Variants in COPS4 observed in about 807,000 individuals in gnomAD.
COPS4 encodes COP9 signalosome complex subunit 4.
In COPS4, 8 loss-of-function variants were observed where a neutral mutation model predicts 55.1. The observed-to-expected ratio is 0.15, with a 90% CI of 0.09 to 0.26. The LOEUF (loss-of-function observed/expected upper bound fraction) is 0.26, where lower values mean the gene tolerates loss of function less well. Among genes scored for constraint, COPS4 ranks in the 10% least tolerant of loss-of-function variants. The pLI, the probability that COPS4 is intolerant of heterozygous loss-of-function variation, is 1.00. For synonymous variants in COPS4, 185 were observed against 165.7 expected, an observed-to-expected ratio of 1.12 and a Z score of -0.90; for missense variants, 248 against 484.0, an observed-to-expected ratio of 0.51 and a Z score of 4.58.
intron 6 of COPS4, among the ~76,000 whole-genome samples, chr4:83,062,547 T>C (rs4591594): frequency 0.45 from 67,059 of 147,780 alleles, 17,251 homozygotes; most frequent in Admixed American, 0.6. Context: ...TTTACTTTTA[T>C]ACTGTACACA....
At chr4:83,058,325 C>T (rs1191078980) in intron 6 of COPS4, among the ~76,000 whole-genome samples, 1 of 152,162 alleles carries the variant, frequency 6.6e-6, no homozygotes, top group Non-Finnish European at 1.5e-5. Flanking sequence ...TCAAGTGATC[C>T]TCCCACTTCA....
chr4:83,038,148 C>G (rs1175831423), intron 1 of COPS4, among the ~76,000 whole-genome samples: 5 of 152,246 alleles, frequency 3.3e-5, no homozygotes, highest in Non-Finnish European at 5.9e-5. Flanking sequence ...TCAAAGGCCC[C>G]TTCTAACTCA....
chr4:83,053,932 T>C (rs923901888), intron 4 of COPS4, among the ~76,000 whole-genome samples: 1 of 152,144 alleles, frequency 6.6e-6, no homozygotes, highest in African/African-American at 2.4e-5. Context: ...TTATGAAACA[T>C]TTCTCCTAAG....
At chr4:83,054,580 A>T (rs1730969496) in intron 4 of COPS4, among the ~76,000 whole-genome samples, 2 of 152,200 alleles carry the variant, frequency 1.3e-5, no homozygotes, top group African/African-American at 4.8e-5. Context: ...TGAATTTTGC[A>T]TTTCAAGGTC....
At chr4:83,055,959 C>T (rs1361963090) in intron 4 of COPS4, among the ~76,000 whole-genome samples, 3 of 138,092 alleles carry the variant, frequency 2.2e-5, no homozygotes, top group African/African-American at 8.2e-5. Flanking sequence ...GACGAAGTCT[C>T]ACTCTGTCAC....
chr4:83,063,920 G>A (rs1022788695), intron 7 of COPS4, among the ~76,000 whole-genome samples: 2 of 152,010 alleles, frequency 1.3e-5, no homozygotes, highest in African/African-American at 2.4e-5. Flanking sequence ...GGCTGATCTC[G>A]GACTCCTGAC....
At chr4:83,051,837 G>A (rs1730895417) in intron 4 of COPS4, among the ~76,000 whole-genome samples, 1 of 152,142 alleles carries the variant, frequency 6.6e-6, no homozygotes, top group Non-Finnish European at 1.5e-5. Flanking sequence ...AGTGAGGCCT[G>A]GAGCACTTCA....
chr4:83,041,359 G>A (rs1386284172), intron 1 of COPS4, among the ~76,000 whole-genome samples: 2 of 151,828 alleles, frequency 1.3e-5, no homozygotes, highest in East Asian at 1.9e-4. Flanking sequence ...CACTGCGCCC[G>A]GCCAAATTTT....
chr4:83,035,415 A>AG (rs1209604906), intron 1 of COPS4, 117 bp downstream of exon 1: 4 of 848,202 alleles, frequency 4.7e-6, no homozygotes, highest in Non-Finnish European at 1.8e-6. Flanking sequence ...CTGACGTCCA[A>AG]GGGGGCGGGC....
chr4:83,073,821 G>A (rs778225861), intron 9 of COPS4, among the ~76,000 whole-genome samples: 1 of 152,160 alleles, frequency 6.6e-6, no homozygotes, highest in Non-Finnish European at 1.5e-5. Flanking sequence ...GCTGGGCGTA[G>A]TGGTGCATGC....
chr4:83,060,380 C>A (rs1442455597), intron 6 of COPS4, among the ~76,000 whole-genome samples: 5 of 130,768 alleles, frequency 3.8e-5, no homozygotes, highest in Non-Finnish European at 8.2e-5. Flanking sequence ...ACGGAATCTT[C>A]CTCTGTCGCC....
intron 3 of COPS4, chr4:83,049,541 C>A (rs565175316): frequency 5.2e-5 from 26 of 503,382 alleles, no homozygotes; most frequent in Admixed American, 1.2e-4. Context: ...TCAAATATTG[C>A]TCTCTAGACA....
Position 83,050,847 on chromosome 4 carries a change from A to G in COPS4, c.410+863A>G, listed in dbSNP as rs149893049. Among the ~76,000 whole-genome samples, 558 of 152,284 alleles carry G rather than the reference A, an allele frequency of 3.7e-3. 1 individual carries two copies. The highest frequency in any genetic ancestry group is 0.013 in the African/African-American group (529 of 41,558). On this transcript the variant is annotated intron_variant, in intron 4 of 9. Transcript: ENST00000264389. ...TCACTAAGTGAAATGAGGGGGAGCC[A>G]TTGGAGAATTGTGAACAAACAGTGA...
intron 1 of COPS4, among the ~76,000 whole-genome samples, chr4:83,040,946 C>T (rs1031705150): frequency 6.6e-6 from 1 of 151,640 alleles, no homozygotes; most frequent in African/African-American, 2.4e-5. Context: ...AATCAACATA[C>T]TGAATTTGGT....
chr4:83,068,143 T>A (rs1447674448), intron 8 of COPS4, among the ~76,000 whole-genome samples: 3 of 152,144 alleles, frequency 2.0e-5, no homozygotes, highest in Non-Finnish European at 2.9e-5. Flanking sequence ...GAGGTATGGA[T>A]CCTAGTAAGA....
At chr4:83,042,980 A>C (rs1272503623) in intron 1 of COPS4, among the ~76,000 whole-genome samples, 1 of 147,512 alleles carries the variant, frequency 6.8e-6, no homozygotes, top group Non-Finnish European at 1.5e-5. Context: ...GAACTCCTGG[A>C]CTCAAGTGAT....
chr4:83,051,094 C>A (rs1376394362), intron 4 of COPS4, among the ~76,000 whole-genome samples: 2 of 141,256 alleles, frequency 1.4e-5, no homozygotes, highest in Admixed American at 6.8e-5. Flanking sequence ...GACCCCATCT[C>A]CACCAAAAAA....
chr4:83,063,444 G>A (rs939507208), intron 7 of COPS4, among the ~76,000 whole-genome samples, 198 bp downstream of exon 7: 2 of 144,270 alleles, frequency 1.4e-5, no homozygotes, highest in Admixed American at 1.4e-4. Context: ...CTGTCACCCA[G>A]GCTGGAGTGC....
chr4:83,044,516 G>A (rs1414861386), intron 1 of COPS4, among the ~76,000 whole-genome samples: 1 of 151,072 alleles, frequency 6.6e-6, no homozygotes, highest in Non-Finnish European at 1.5e-5. Flanking sequence ...GGTGGCTAAC[G>A]CCTGTAATCC....
Sources: allele counts gnomAD v4.1 joint callset (sites outside exome capture counted in the v4.1 genomes callset), GRCh38; gene constraint gnomAD v4.1.1; transcripts MANE v1.5; gene names NCBI Gene and HGNC (gene_info 2026-07-23, HGNC 2026-07-21).